SYAP1: variants seen among roughly 807,000 people sequenced by gnomAD.
SYAP1 encodes the protein synapse associated protein 1.
SYAP1 carries 3 observed loss-of-function variants against 29.6 expected under a neutral mutation model. The observed-to-expected ratio is 0.10, with a 90% CI of 0.05 to 0.26. The LOEUF (loss-of-function observed/expected upper bound fraction) is 0.26, where lower values mean the gene tolerates loss of function less well. Ranked by LOEUF, SYAP1 falls within the 10% of genes least tolerant of loss-of-function variation. The pLI is 1.00. For synonymous variants in SYAP1, 102 were observed against 102.7 expected (o/e 0.99, Z 0.04); for missense variants, 217 against 264.1 (o/e 0.82, Z 1.24).
rs779127204 is a variant in SYAP1 at position 16,719,813 on chromosome X, C to T, written c.89C>T (p.Pro30Leu). 7 of 1,196,051 alleles carry T rather than the reference C, an allele frequency of 5.9e-6. No individual in the cohort carries two copies. The African/African-American group carries it at 1.2e-4, about 21-fold the overall frequency. ...QPNGDAPPEQ[P>L]SETVAESAEE... Reference sequence around the variant, plus strand: ...AATGGAGATGCTCCACCCGAGCAGCCGTCCGAGACGGTGGCTGAGTCTGCG... The same window carrying T: ...AATGGAGATGCTCCACCCGAGCAGCTGTCCGAGACGGTGGCTGAGTCTGCG... Residue 30 changes from proline (P) to leucine (L), a missense_variant, in exon 1 of 9, where the codon CCG becomes CTG. Physicochemically the swap from Pro to Leu is moderately conservative, Grantham distance 98. Coordinates refer to ENST00000380155, the MANE Select transcript of SYAP1 (RefSeq NM_032796.4).
chrX:16,722,867 GT>G (rs1293831736), intron 1 of SYAP1, among the ~76,000 whole-genome samples: 1 of 112,369 alleles, frequency 8.9e-6, no homozygotes, highest in East Asian at 2.8e-4. Context: ...TGGTTAGTTG[GT>G]TTTTGTTAAA....
In SYAP1 at chrX:16,761,493, A is replaced by C. The variant is rs1280943009; in HGVS notation, c.*1134A>C. 1 of 111,356 alleles carries C rather than the reference A, an allele frequency of 9.0e-6. No individual in the cohort carries two copies. Among genetic ancestry groups the C allele is most frequent in the Non-Finnish European group, 1.9e-5 (1 of 53,134 alleles). 9.2% of individuals were successfully genotyped at this position (111,356 alleles called of 1,213,427 possible). ...GAGTTCACCTTCTAGGACTTTATTGATTAATCCTTCTCTTTCTGCTATACC... is the reference window on the plus strand; with the variant it reads ...GAGTTCACCTTCTAGGACTTTATTGCTTAATCCTTCTCTTTCTGCTATACC... On this transcript the variant is annotated 3_prime_UTR_variant, in exon 9 of 9. Coordinates refer to ENST00000380155, the MANE Select transcript of SYAP1 (RefSeq NM_032796.4).
chrX:16,719,618 C>T lies in SYAP1; in HGVS notation c.-107C>T, dbSNP rs1925902857. On this transcript the variant is annotated 5_prime_UTR_variant, in exon 1 of 9. Coordinates refer to ENST00000380155, the MANE Select transcript of SYAP1 (RefSeq NM_032796.4). ...GGGCTGCGGCGGCTGCGGTGTTCCT[C>T]CGACTTCCGGACATCTCCCTGGGAG... 4 of 982,394 alleles carry T rather than the reference C, an allele frequency of 4.1e-6. No homozygotes were observed. Among genetic ancestry groups the T allele is most frequent in the South Asian group, 4.9e-5 (2 of 41,027 alleles). 81.0% of individuals were successfully genotyped at this position (982,394 alleles called of 1,213,427 possible).
intron 3 of SYAP1, among the ~76,000 whole-genome samples, chrX:16,739,740 CACTTT>C (rs1167622078): frequency 3.6e-5 from 4 of 111,532 alleles, no homozygotes; most frequent in Admixed American, 9.7e-5. Context: ...TATCCCATGT[CACTTT>C]ACTTTGACTT....
At chrX:16,759,529 G>A (rs1926935779) in intron 8 of SYAP1, among the ~76,000 whole-genome samples, 1 of 111,935 alleles carries the variant, frequency 8.9e-6, no homozygotes, top group Non-Finnish European at 1.9e-5. Flanking sequence ...CAACGCGGAA[G>A]ACCAGTGTGA....
chrX:16,758,179 G>C (rs1000961390), intron 8 of SYAP1, among the ~76,000 whole-genome samples: 2 of 110,876 alleles, frequency 1.8e-5, no homozygotes, highest in South Asian at 7.7e-4. Flanking sequence ...ATGTAGCTGG[G>C]ACTATAGGCG....
intron 5 of SYAP1, among the ~76,000 whole-genome samples, chrX:16,749,714 G>A (rs1926687137): frequency 9.1e-6 from 1 of 109,964 alleles, no homozygotes; most frequent in Admixed American, 9.8e-5. Context: ...TCAGGAGTTC[G>A]AGACCATCCT....
At chrX:16,756,395 C>G (rs972575991) in intron 6 of SYAP1, among the ~76,000 whole-genome samples, 1 of 111,215 alleles carries the variant, frequency 9.0e-6, no homozygotes, top group South Asian at 3.8e-4. Context: ...AAGTTCGAGT[C>G]CAGCCTGGGC....
At chrX:16,755,221 A>G (rs1221561338) in intron 6 of SYAP1, 128 bp downstream of exon 6, 1 of 687,208 alleles carries the variant, frequency 1.5e-6, no homozygotes, top group Non-Finnish European at 2.1e-6. Context: ...CCCAGAGGAA[A>G]TCTTCATTTT....
chrX:16,719,990 T>TGAG, intron 1 of SYAP1, 91 bp downstream of exon 1: 1 of 929,659 alleles, frequency 1.1e-6, no homozygotes, highest in Non-Finnish European at 1.5e-6. Flanking sequence ...GGCTGGGGGA[T>TGAG]GAGGGGGCCG....
chrX:16,733,012 G>A (rs1926242798), intron 1 of SYAP1, among the ~76,000 whole-genome samples: 1 of 111,948 alleles, frequency 8.9e-6, no homozygotes, highest in Non-Finnish European at 1.9e-5. Flanking sequence ...GACATCCATC[G>A]TAGTCAAGGG....
At chrX:16,759,301 G>T (rs1243811762) in intron 8 of SYAP1, among the ~76,000 whole-genome samples, 10 of 108,686 alleles carry the variant, frequency 9.2e-5, no homozygotes, top group Non-Finnish European at 5.7e-5. Context: ...GGAGGCAGAG[G>T]TTGCAGTGAG....
At chrX:16,757,131 C>T in intron 7 of SYAP1, 31 bp from the exon 8 acceptor site, 1 of 1,205,453 alleles carries the variant, frequency 8.3e-7, no homozygotes, top group Non-Finnish European at 1.1e-6. Flanking sequence ...GCTTAGCAAA[C>T]CATTTCAAGA....
rs1001300507 is a variant in SYAP1, at chrX:16,752,491, C to G, written c.576-2454C>G. On this transcript the variant is annotated intron_variant, in intron 5 of 8. Coordinates refer to ENST00000380155, the MANE Select transcript of SYAP1 (RefSeq NM_032796.4). Reference sequence around the variant, plus strand: ...ACTTGAGACCTAATGTTGCATCACTCCCAAATGCCGTAGTGTTTTACAAGC... The same window carrying G: ...ACTTGAGACCTAATGTTGCATCACTGCCAAATGCCGTAGTGTTTTACAAGC... Among the ~76,000 whole-genome samples, 9 of 108,357 alleles carry G rather than the reference C, an allele frequency of 8.3e-5. No individual in the cohort carries two copies. In the Admixed American group the frequency reaches 9.1e-4, roughly 11 times the overall value. 94.1% of individuals were successfully genotyped at this position (108,357 alleles called of 115,157 possible). A position where few individuals can be genotyped will look rare whatever the true frequency, so the allele number is the denominator to read the frequency against.
chrX:16,720,936 T>C (rs1333577517), intron 1 of SYAP1, among the ~76,000 whole-genome samples: 1 of 109,874 alleles, frequency 9.1e-6, no homozygotes, highest in Non-Finnish European at 1.9e-5. Flanking sequence ...TCGCTTGAAC[T>C]GGGGAGGTGG....
At chrX:16,739,418 T>G (rs1926400777) in intron 3 of SYAP1, among the ~76,000 whole-genome samples, 2 of 110,165 alleles carry the variant, frequency 1.8e-5, no homozygotes, top group South Asian at 7.9e-4. Flanking sequence ...CAGCAAAGCA[T>G]TTGCTCTCCA....
intron 3 of SYAP1, among the ~76,000 whole-genome samples, chrX:16,738,396 C>T (rs4831056): frequency 0.45 from 50,000 of 110,486 alleles, 9,966 homozygotes; most frequent in African/African-American, 0.78. Flanking sequence ...GCCTGGGTGA[C>T]AGAGCGAGAC....
At chrX:16,734,996 CAAAAAAAAAAA>C (rs1213395857) in intron 1 of SYAP1, among the ~76,000 whole-genome samples, 9 of 9,921 alleles carry the variant, frequency 9.1e-4, no homozygotes, top group African/African-American at 3.2e-3. Flanking sequence ...GAGACTGTCT[CAAAAAAAAAAA>C]AAAAAAAAAA....
chrX:16,762,022 A>G lies in SYAP1; in HGVS notation c.*1663A>G, dbSNP rs756050371. ...TAGCAGTAAACCCGTGTATTCCATG[A>G]AACCACTGGGCCCATCATCAAAAGG... On this transcript the variant is annotated 3_prime_UTR_variant, in exon 9 of 9. Transcript: ENST00000380155. The G allele has an allele frequency of 3.6e-5, 4 of 111,938 alleles. No individual in the cohort carries two copies. The South Asian group carries it at 1.5e-3, about 41-fold the overall frequency. 9.2% of individuals were successfully genotyped at this position (111,938 alleles called of 1,213,427 possible). A position where few individuals can be genotyped will look rare whatever the true frequency, so the allele number is the denominator to read the frequency against.
Sources: allele counts gnomAD v4.1 joint callset (sites outside exome capture counted in the v4.1 genomes callset), GRCh38; gene constraint gnomAD v4.1.1; transcripts MANE v1.5; gene names NCBI Gene and HGNC (gene_info 2026-07-23, HGNC 2026-07-21).